The following CRACR2B variants were observed in gnomAD, a reference collection of about 807,000 sequenced individuals.
CRACR2B encodes the protein EF-hand calcium-binding domain-containing protein 4A.
A neutral mutation model predicts 46.0 loss-of-function variants in CRACR2B; 50 were observed. That is an observed-to-expected ratio of 1.09 (90% confidence interval 0.87 to 1.38). CRACR2B has a LOEUF of 1.38. Among genes scored for constraint, CRACR2B ranks in the 40% most tolerant of loss-of-function variants. The pLI is 0.00. For missense variants in CRACR2B, 667 were observed against 535.0 expected, an observed-to-expected ratio of 1.25 and a Z score of -2.43; for synonymous variants, 277 against 239.6, an observed-to-expected ratio of 1.16 and a Z score of -1.44.
In CRACR2B at chr11:828,891, G is replaced by C. The variant is rs1005782765; in HGVS notation, c.205G>C (p.Glu69Gln). The stretch of plus-strand genomic sequence containing the variant: ...CCTGCCCCTCACGCCAGAGCAGCTG[G>C]AGGCTGTGTTTGAAAGTCTGGACCG... ...SDLPLTPEQL[E>Q]AVFESLDRAH... Residue 69 changes from glutamate to glutamine, a missense_variant, in exon 2 of 9, where the codon GAG becomes CAG. Physicochemically the swap from Glu to Gln is conservative, Grantham distance 29. Coordinates refer to ENST00000525077, the MANE Select transcript of CRACR2B (RefSeq NM_001286606.2). 6 of 1,609,864 alleles carry C rather than the reference G, an allele frequency of 3.7e-6. No homozygotes were observed. The highest frequency in any genetic ancestry group is 1.3e-5 in the African/African-American group (1 of 74,942).
rs749657369 is a variant in CRACR2B at position 829,394 on chromosome 11, G to A, written c.312G>A (p.Ala104=). ...MFVGVASAQG[A]NPCRTPEETF... ...TGGGGGTGGCGTCAGCCCAGGGAGC[G>A]AACCCCTGCAGGACTCCCGAGGAGA... The change falls in exon 3 of 9, where the codon GCG becomes GCA. Residue 104 remains alanine, a synonymous_variant. Transcript: ENST00000525077. The A allele has an allele frequency of 1.3e-5, 21 of 1,610,584 alleles. No individual in the cohort carries two copies. The highest frequency in any genetic ancestry group is 1.8e-5 in the Non-Finnish European group (21 of 1,179,152).
chr11:829,781 A>G (rs1374196724), intron 3 of CRACR2B: 1 of 1,117,312 alleles, frequency 9.0e-7, no homozygotes, highest in East Asian at 2.7e-5. Context: ...GGGGCCACAT[A>G]CCGGCACTGC....
rs571202356 is a variant in CRACR2B at position 830,581 on chromosome 11, A to C, written c.694-40A>C. ...TCCGTGTACCTCTTTTGCATGGCCG[A>C]GCGGCCGGCGGAGGCTCAGTGGTCC... On this transcript the variant is annotated intron_variant, in intron 5 of 8. Transcript: ENST00000525077. 1.9e-5 allele frequency: 29 copies of C among 1,548,326 alleles called. No homozygotes were observed. In the African/African-American group the frequency reaches 3.6e-4, roughly 19 times the overall value.
chr11:829,618 A>ACTTGCT, intron 3 of CRACR2B, 78 bp downstream of exon 3: 13 of 1,411,578 alleles, frequency 9.2e-6, no homozygotes, highest in Non-Finnish European at 1.1e-5. Flanking sequence ...TTGTCACCCG[A>ACTTGCT]GTGCTGGTTC....
rs1355197294 is a variant in CRACR2B at position 830,022 on chromosome 11, G to C, written c.495G>C (p.Gln165His). ...RAVRTLWARL[Q>H]RERPELLGSF... ...TGAGGACGCTCTGGGCCAGGCTGCA[G>C]CGCGAGCGCCCCGAGCTGCTGGGCT... is the stretch of plus-strand genomic sequence containing the variant. The change falls in exon 4 of 9, where the codon CAG (glutamine) becomes CAC (histidine). Residue 165 changes from glutamine to histidine, a missense_variant. Transcript: ENST00000525077. The C allele has an allele frequency of 1.1e-5, 17 of 1,570,730 alleles. No individual in the cohort carries two copies. Among genetic ancestry groups the C allele is most frequent in the Non-Finnish European group, 1.5e-5 (17 of 1,164,274 alleles).
At position 831,577 on chromosome 11, in the gene CRACR2B, G is replaced by GT. The variant is rs1565111153; in HGVS notation, c.1068_1069insT (p.Ala357CysfsTer49). ...TGCGGGATGACAGGGACGCCTGCGA[G>GT]GCCAGGCGGGCGGGCAGCAGCTGCA... On this transcript the variant is annotated frameshift_variant, in exon 9 of 9. Transcript: ENST00000525077. LOFTEE classifies it low-confidence loss of function (END_TRUNC). 2 of 1,596,332 alleles carry GT rather than the reference G, an allele frequency of 1.3e-6. No individual in the cohort carries two copies. Among genetic ancestry groups the GT allele is most frequent in the East Asian group, 4.6e-5 (2 of 43,912 alleles).
chr11:829,626 T>A, intron 3 of CRACR2B, 86 bp downstream of exon 3: 1 of 1,371,780 alleles, frequency 7.3e-7, no homozygotes, highest in Non-Finnish European at 9.7e-7. Context: ...CGAGTGCTGG[T>A]TCTGCACAGG....
At chr11:830,567 C>G in intron 5 of CRACR2B, 54 bp from the exon 6 acceptor site, 1 of 1,548,446 alleles carries the variant, frequency 6.5e-7, no homozygotes, top group East Asian at 2.4e-5. Context: ...CCGTGTACCT[C>G]TTTTGCATGG....
Position 830,879 on chromosome 11 carries a change from T to G in CRACR2B, c.800T>G (p.Leu267Arg). Residue 267 changes from leucine (L) to arginine (R), a missense_variant, in exon 7 of 9, where the codon CTG becomes CGG. Coordinates refer to ENST00000525077, the MANE Select transcript of CRACR2B (RefSeq NM_001286606.2). Reference sequence around the variant, plus strand: ...TCCACCCTCCAGTTAGAGCAGCAGCTGCACGCCCAGGCTGCGGAGCACCTG... The same window carrying G: ...TCCACCCTCCAGTTAGAGCAGCAGCGGCACGCCCAGGCTGCGGAGCACCTG... ...GLRQRELEQQ[L>R]HAQAAEHLEA... 1 of 1,526,780 alleles carries G rather than the reference T, an allele frequency of 6.5e-7. No homozygotes were observed. Among genetic ancestry groups the G allele is most frequent in the African/African-American group, 1.4e-5 (1 of 72,904 alleles). 94.6% of individuals were successfully genotyped at this position (1,526,780 alleles called of 1,614,324 possible).
chr11:829,136 T>C (rs766112634), intron 2 of CRACR2B, 173 bp downstream of exon 2: 1 of 1,255,198 alleles, frequency 8.0e-7, no homozygotes, highest in Admixed American at 2.0e-5. Flanking sequence ...GTGGAGTGTG[T>C]GGAGCTGACC....
intron 5 of CRACR2B, 109 bp downstream of exon 5, chr11:830,446 T>G: frequency 1.3e-6 from 2 of 1,536,238 alleles, no homozygotes; most frequent in South Asian, 2.4e-5. Flanking sequence ...CCTCCGCGGG[T>G]CCAGGCTGCC....
Position 831,555 on chromosome 11 carries a change from G to A in CRACR2B, c.1046G>A (p.Arg349Gln), listed in dbSNP as rs372622300. ...ELLRELNTRL[R>Q]DDRDACEARR... ...CCTAGGGAGCTGAATACACGGCTGC[G>A]GGATGACAGGGACGCCTGCGAGGCC... The change falls in exon 9 of 9, where the codon CGG becomes CAG. Residue 349 changes from arginine (R) to glutamine (Q), a missense_variant. Coordinates refer to ENST00000525077, the MANE Select transcript of CRACR2B (RefSeq NM_001286606.2). 25 of 1,598,434 alleles carry A rather than the reference G, an allele frequency of 1.6e-5. No homozygotes were observed. The highest frequency in any genetic ancestry group is 1.8e-5 in the Non-Finnish European group (21 of 1,174,110).
chr11:829,450 G>A lies in CRACR2B; in HGVS notation c.368G>A (p.Gly123Asp), dbSNP rs751027318. 1.1e-5 allele frequency: 18 copies of A among 1,610,128 alleles called. No homozygotes were observed. Among genetic ancestry groups the A allele is most frequent in the Non-Finnish European group, 1.4e-5 (17 of 1,178,966 alleles). Residue 123 changes from glycine to aspartate, a missense_variant, in exon 3 of 9, where the codon GGC (glycine) becomes GAC (aspartate). By Grantham distance (94) the Gly-to-Asp change is moderately conservative (BLOSUM62 -1). Coordinates refer to ENST00000525077, the MANE Select transcript of CRACR2B (RefSeq NM_001286606.2). ...TFESGGLDVQ[G>D]TAGSLDEEEE... ...GAGTCGGGCGGGCTCGACGTGCAGGGCACGGCGGGCTCTCTGGATGAGGAG... is the reference window on the plus strand; with the variant it reads ...GAGTCGGGCGGGCTCGACGTGCAGGACACGGCGGGCTCTCTGGATGAGGAG...
chr11:828,955 TG>T lies in CRACR2B; in HGVS notation c.272del (p.Gly91AlafsTer67). The T allele has an allele frequency of 6.2e-7, 1 of 1,603,760 alleles. No homozygotes were observed. Among genetic ancestry groups the T allele is most frequent in the Non-Finnish European group, 8.5e-7 (1 of 1,179,898 alleles). ...TGFLTAREFC[L>X]GLGMFVGVAS... ...TTCCTCACCGCCAGGGAGTTCTGCCTGGGCCTGGGTGAGCCTGTGGCCTGCC... is the reference window on the plus strand; with the variant it reads ...TTCCTCACCGCCAGGGAGTTCTGCCTGGCCTGGGTGAGCCTGTGGCCTGCC... On this transcript the variant is annotated frameshift_variant, in exon 2 of 9. Transcript: ENST00000525077. LOFTEE classifies it high-confidence loss of function.
chr11:830,519 C>T (rs1846318497), intron 5 of CRACR2B, 102 bp from the exon 6 acceptor site: 2 of 1,541,460 alleles, frequency 1.3e-6, no homozygotes, highest in African/African-American at 1.4e-5. Flanking sequence ...CTCCACCCGA[C>T]CCCGCTCCGC....
rs200385933 is a variant in CRACR2B at position 828,687 on chromosome 11, G to C, written c.80G>C (p.Arg27Pro). The change falls in exon 1 of 9, where the codon CGG becomes CCG. Residue 27 changes from arginine (R) to proline (P), a missense_variant. Transcript: ENST00000525077. The stretch of plus-strand genomic sequence containing the variant: ...CTCGAGGGGGGCTCTGCAGGGCCGC[G>C]GGCTGCAATACTGGAGCAGGCTGAG... The part of the protein sequence containing the change: ...GELEGGSAGP[R>P]AAILEQAEEL... 1 of 1,611,682 alleles carries C rather than the reference G, an allele frequency of 6.2e-7. No homozygotes were observed. Among genetic ancestry groups the C allele is most frequent in the Admixed American group, 1.7e-5 (1 of 59,386 alleles).
chr11:829,836 G>A (rs931019703), intron 3 of CRACR2B, 150 bp from the exon 4 acceptor site: 2 of 1,391,072 alleles, frequency 1.4e-6, no homozygotes, highest in African/African-American at 2.9e-5. Context: ...GGGCAGGGGC[G>A]AAAGCGCTCA....
chr11:828,861 A>T lies in CRACR2B; in HGVS notation c.175A>T (p.Ser59Cys). The change falls in exon 2 of 9, where the codon AGC (serine) becomes TGC (cysteine). Residue 59 changes from serine (S) to cysteine (C), a missense_variant. Physicochemically the swap from Ser to Cys is moderately radical, Grantham distance 112. Transcript: ENST00000525077. ...CTCCTTCCCCGACCAGGGTCTCCAGAGCGACCTGCCCCTCACGCCAGAGCA... is the reference window on the plus strand; with the variant it reads ...CTCCTTCCCCGACCAGGGTCTCCAGTGCGACCTGCCCCTCACGCCAGAGCA... ...ITKHDLQGLQ[S>C]DLPLTPEQLE... is the part of the protein sequence containing the mutation. 2.5e-6 allele frequency: 4 copies of T among 1,610,636 alleles called. No individual in the cohort carries two copies. Among genetic ancestry groups the T allele is most frequent in the Non-Finnish European group, 3.4e-6 (4 of 1,179,536 alleles).
intron 5 of CRACR2B, 134 bp downstream of exon 5, chr11:830,471 A>G (rs1427951052): frequency 6.5e-7 from 1 of 1,536,486 alleles, no homozygotes; most frequent in African/African-American, 1.4e-5. Context: ...GCCCGAGGAG[A>G]TCCCACTGGG....
Sources: allele counts gnomAD v4.1 joint callset, GRCh38; gene constraint gnomAD v4.1.1; transcripts MANE v1.5; gene names NCBI Gene and HGNC (gene_info 2026-07-23, HGNC 2026-07-21).